The following DNAL1 variants were observed in gnomAD, a reference collection of about 807,000 sequenced individuals.
DNAL1 encodes the protein dynein axonemal light chain 1.
A neutral mutation model predicts 29.4 loss-of-function variants in DNAL1; 17 were observed. The observed-to-expected ratio is 0.58, with a 90% CI of 0.40 to 0.87. The LOEUF (loss-of-function observed/expected upper bound fraction) is 0.87, where lower values mean the gene tolerates loss of function less well. Among genes scored for constraint, DNAL1 ranks in the 40% least tolerant of loss-of-function variants. The pLI is 0.00. For missense variants in DNAL1, 188 were observed against 214.1 expected (o/e 0.88, Z 0.76); for synonymous variants, 78 against 76.3 (o/e 1.02, Z -0.12).
rs1287604829 is a variant in DNAL1, at chr14:73,703,566, G to A, written c.*7624G>A. ...TTTAATTCTCCCCACCCTTGAGAAT[G>A]TACTTTGTGAGCTCCACCCACTGTC... On this transcript the variant is annotated 3_prime_UTR_variant, in exon 8 of 8. Transcript: ENST00000553645. 6.6e-6 allele frequency: 1 copy of A among 152,188 alleles called. No homozygotes were observed. The highest frequency in any genetic ancestry group is 1.5e-5 in the Non-Finnish European group (1 of 68,062). The allele number at this position is 152,188 out of a possible 1,614,324, so 9.4% of individuals were successfully genotyped here.
At chr14:73,662,231 G>C (rs992133018) in intron 4 of DNAL1, among the ~76,000 whole-genome samples, 189 bp downstream of exon 4, 1 of 152,198 alleles carries the variant, frequency 6.6e-6, no homozygotes, top group Non-Finnish European at 1.5e-5. Flanking sequence ...AGCTCTGAAC[G>C]TTTTAAAGAC....
chr14:73,652,222 ATTTGTATTTT>A (rs1330078419), intron 1 of DNAL1, among the ~76,000 whole-genome samples: 5 of 151,182 alleles, frequency 3.3e-5, no homozygotes, highest in Admixed American at 6.6e-5. Context: ...CCTGGCTAAT[ATTTGTATTTT>A]TTTGTAGAGA....
At chr14:73,667,985 T>G (rs568219005) in intron 4 of DNAL1, among the ~76,000 whole-genome samples, 2 of 152,362 alleles carry the variant, frequency 1.3e-5, no homozygotes, top group South Asian at 4.1e-4. Flanking sequence ...CATGTCCTAT[T>G]ACTCTTCCTT....
At position 73,696,411 on chromosome 14, in the gene DNAL1, G is replaced by A. The variant is rs1025550962; in HGVS notation, c.*469G>A. 2 of 152,758 alleles carry A rather than the reference G, an allele frequency of 1.3e-5. No homozygotes were observed. Among genetic ancestry groups the A allele is most frequent in the Non-Finnish European group, 2.9e-5 (2 of 68,152 alleles). The allele number at this position is 152,758 out of a possible 1,614,324, so 9.5% of individuals were successfully genotyped here. On this transcript the variant is annotated 3_prime_UTR_variant, in exon 8 of 8. Transcript: ENST00000553645. ...AGCTCAGAAGGCAGCATGGTGATGG[G>A]AAGAGTTCCTCTTAGAAATACAGCA...
chr14:73,687,247 G>A lies in DNAL1; in HGVS notation c.265-12G>A. 6.2e-7 allele frequency: 1 copy of A among 1,609,298 alleles called. No individual in the cohort carries two copies. Among genetic ancestry groups the A allele is most frequent in the Non-Finnish European group, 8.5e-7 (1 of 1,178,742 alleles). On this transcript the variant is annotated splice_polypyrimidine_tract_variant and intron_variant, in intron 5 of 7. Coordinates refer to ENST00000553645, the MANE Select transcript of DNAL1 (RefSeq NM_031427.4). ...TAAACATAAACATAAATCAAATTTTGTTCTTTTTCAGGAGGCAGTAGGGGA... is the reference window on the plus strand; with the variant it reads ...TAAACATAAACATAAATCAAATTTTATTCTTTTTCAGGAGGCAGTAGGGGA...
rs751191387 is a variant in DNAL1, at chr14:73,702,459, T to C, written c.*6517T>C. 1 of 152,076 alleles carries C rather than the reference T, an allele frequency of 6.6e-6. No individual in the cohort carries two copies. The highest frequency in any genetic ancestry group is 1.5e-5 in the Non-Finnish European group (1 of 68,024). The allele number at this position is 152,076 out of a possible 1,614,324, so 9.4% of individuals were successfully genotyped here. ...GGCCAGAGGCATTCATTTCTTTAGC[T>C]AAGTTTTTTTTTCTTAGTAGGTTTT... On this transcript the variant is annotated 3_prime_UTR_variant, in exon 8 of 8. Coordinates refer to ENST00000553645, the MANE Select transcript of DNAL1 (RefSeq NM_031427.4).
At chr14:73,674,822 G>A (rs1448335235) in intron 5 of DNAL1, among the ~76,000 whole-genome samples, 2 of 151,864 alleles carry the variant, frequency 1.3e-5, no homozygotes, top group Non-Finnish European at 2.9e-5. Context: ...CCAAAGTGCT[G>A]GAATTACAGG....
intron 4 of DNAL1, among the ~76,000 whole-genome samples, chr14:73,669,982 C>T (rs1172955919): frequency 2.8e-5 from 4 of 140,812 alleles, no homozygotes; most frequent in African/African-American, 9.9e-5. Flanking sequence ...CACACACACA[C>T]ATACACACAC....
chr14:73,671,639 C>T (rs562487839), intron 5 of DNAL1, 42 bp downstream of exon 5: 223 of 1,379,350 alleles, frequency 1.6e-4, no homozygotes, highest in Non-Finnish European at 2.0e-4. Context: ...TTAATTTGCA[C>T]ACATCTATGA....
intron 1 of DNAL1, among the ~76,000 whole-genome samples, chr14:73,647,971 C>A (rs1891017735): frequency 6.6e-6 from 1 of 151,944 alleles, no homozygotes; most frequent in Non-Finnish European, 1.5e-5. Flanking sequence ...CAGGAGAGTT[C>A]CATTTCTTCT....
chr14:73,672,048 T>C (rs1798374235), intron 5 of DNAL1, among the ~76,000 whole-genome samples: 1 of 152,154 alleles, frequency 6.6e-6, no homozygotes, highest in Non-Finnish European at 1.5e-5. Flanking sequence ...CCCCTCCCAA[T>C]AAATCTAGCT....
chr14:73,679,170 T>A (rs1180459566), intron 5 of DNAL1, among the ~76,000 whole-genome samples: 2 of 152,056 alleles, frequency 1.3e-5, no homozygotes, highest in African/African-American at 4.8e-5. Context: ...CTAATTTTTT[T>A]ATTTTTAGTA....
rs376779635 is a variant in DNAL1, at chr14:73,669,625, T to C, written c.209-1917T>C. Among the ~76,000 whole-genome samples the C allele has an allele frequency of 5.9e-5, 9 of 152,280 alleles. No individual in the cohort carries two copies. In the East Asian group the frequency reaches 9.6e-4, roughly 16 times the overall value. ...TTTTTATTTCTGTAAAGGCAGAGTC[T>C]TTCTATGTTGCCCAGGCTGGTCTCG... On this transcript the variant is annotated intron_variant, in intron 4 of 7. Coordinates refer to ENST00000553645, the MANE Select transcript of DNAL1 (RefSeq NM_031427.4).
chr14:73,673,550 G>T (rs987344247), intron 5 of DNAL1, among the ~76,000 whole-genome samples: 6 of 152,046 alleles, frequency 3.9e-5, no homozygotes, highest in Non-Finnish European at 5.9e-5. Flanking sequence ...TCTTTCCAGG[G>T]TGTAATGTGG....
chr14:73,672,226 A>G (rs1009149155), intron 5 of DNAL1, among the ~76,000 whole-genome samples: 1 of 152,216 alleles, frequency 6.6e-6, no homozygotes, highest in African/African-American at 2.4e-5. Context: ...CAAATTTGTT[A>G]GCCAAACTCT....
chr14:73,694,776 G>A (rs908885804), intron 7 of DNAL1, among the ~76,000 whole-genome samples: 5 of 149,876 alleles, frequency 3.3e-5, no homozygotes, highest in African/African-American at 1.2e-4. Flanking sequence ...TGCAACCTCC[G>A]CCTCCCGGGT....
intron 3 of DNAL1, among the ~76,000 whole-genome samples, chr14:73,660,851 C>G (rs1437408819): frequency 6.6e-6 from 1 of 152,306 alleles, no homozygotes; most frequent in Non-Finnish European, 1.5e-5. Flanking sequence ...TGTATATCAC[C>G]TCGAGTCAAC....
At chr14:73,671,446 A>G in intron 4 of DNAL1, 96 bp from the exon 5 acceptor site, 4 of 1,202,938 alleles carry the variant, frequency 3.3e-6, no homozygotes, top group Non-Finnish European at 4.3e-6. Context: ...AAGGATATCT[A>G]TTATATAAAA....
intron 7 of DNAL1, among the ~76,000 whole-genome samples, chr14:73,693,762 G>T (rs1892230969): frequency 6.6e-6 from 1 of 152,100 alleles, no homozygotes; most frequent in Non-Finnish European, 1.5e-5. Flanking sequence ...TAGATATTAG[G>T]ATAGAATATA....
Sources: allele counts gnomAD v4.1 joint callset (sites outside exome capture counted in the v4.1 genomes callset), GRCh38; gene constraint gnomAD v4.1.1; transcripts MANE v1.5; gene names NCBI Gene and HGNC (gene_info 2026-07-23, HGNC 2026-07-21).